The following C2orf66 variants were observed in gnomAD, a reference collection of about 807,000 sequenced individuals.
C2orf66 encodes uncharacterized protein C2orf66.
Under a neutral mutation model 7.0 loss-of-function variants are expected in C2orf66, and 6 were observed. The ratio of observed to expected loss-of-function variants is 0.86; its 90% confidence interval spans 0.47 to 1.69. C2orf66 has a LOEUF of 1.69. C2orf66 is among the 40% of genes most tolerant of loss of function. The probability of loss-of-function intolerance (pLI) is 0.01; values close to 1 mark genes in which losing one functional copy is unlikely to be tolerated. For missense variants in C2orf66, 107 were observed against 112.0 expected (o/e 0.96, Z 0.20); for synonymous variants, 38 against 43.8 (o/e 0.87, Z 0.52).
chr2:196,810,583 T>C (rs1019705411), upstream of C2orf66, among the ~76,000 whole-genome samples: 1 of 152,190 alleles, frequency 6.6e-6, no homozygotes, highest in Non-Finnish European at 1.5e-5. Context: ...GGCCGAGAAA[T>C]TGGACTTGAG....
chr2:196,829,819 C>T, the C2orf66 span, among the ~76,000 whole-genome samples: 3 of 152,098 alleles, frequency 2.0e-5, 1 homozygote, highest in Middle Eastern at 3.4e-3. Context: ...ATGGTTTGAA[C>T]CCGGGAAGCG....
At chr2:196,831,936 T>C in the C2orf66 span, 2 of 152,222 alleles carry the variant, frequency 1.3e-5, no homozygotes, top group African/African-American at 4.8e-5. Flanking sequence ...CGTGGCCTTT[T>C]GGTGCATGAG....
At chr2:196,832,058 A>C in the C2orf66 span, 1 of 152,166 alleles carries the variant, frequency 6.6e-6, no homozygotes, top group Non-Finnish European at 1.5e-5. Flanking sequence ...AAGTTAGCAT[A>C]AGAAATGTGA....
the C2orf66 span, among the ~76,000 whole-genome samples, chr2:196,828,209 A>ATCTC: frequency 1.3e-4 from 18 of 140,736 alleles, no homozygotes; most frequent in South Asian, 2.3e-4. Context: ...ACGAATCAAA[A>ATCTC]TCTCTCTCTC....
chr2:196,824,426 G>A, the C2orf66 span, among the ~76,000 whole-genome samples: 1 of 152,146 alleles, frequency 6.6e-6, no homozygotes, highest in Non-Finnish European at 1.5e-5. Context: ...TTTATGAAAA[G>A]AACTGCTTAC....
chr2:196,818,514 CA>C, the C2orf66 span, among the ~76,000 whole-genome samples: 1 of 152,184 alleles, frequency 6.6e-6, no homozygotes, highest in African/African-American at 2.4e-5. Context: ...AAGAGAGAGC[CA>C]GCCAATGCAT....
At chr2:196,826,072 T>C in the C2orf66 span, among the ~76,000 whole-genome samples, 4 of 152,174 alleles carry the variant, frequency 2.6e-5, no homozygotes, top group African/African-American at 9.7e-5. Context: ...ATACCAGTAA[T>C]GGAAGCACAA....
chr2:196,809,702 T>C (rs1282300555), upstream of C2orf66: 1 of 193,004 alleles, frequency 5.2e-6, no homozygotes, highest in Non-Finnish European at 1.1e-5. Context: ...AAACAAAACC[T>C]TAAATTACTT....
the C2orf66 span, among the ~76,000 whole-genome samples, chr2:196,831,047 G>A: frequency 6.6e-6 from 1 of 152,126 alleles, no homozygotes; most frequent in East Asian, 1.9e-4. Flanking sequence ...AGGTCTTTGG[G>A]CCAGATAAAA....
chr2:196,807,874 C>T (rs1039788679), intron 1 of C2orf66, among the ~76,000 whole-genome samples: 2 of 152,170 alleles, frequency 1.3e-5, no homozygotes, highest in Non-Finnish European at 2.9e-5. Context: ...GACTATGGAG[C>T]GGCACCACAG....
At position 196,805,171 on chromosome 2, in the gene C2orf66, C is replaced by G. The variant is rs1699806645; in HGVS notation, c.*257G>C. On this transcript the variant is annotated 3_prime_UTR_variant, in exon 3 of 3. Transcript: ENST00000342506. ...GTTTGTGATGTTTTTGTAACTCCTA[C>G]AAATACATGCGGTGCTCTACATCAA... 1 of 152,068 alleles carries G rather than the reference C, an allele frequency of 6.6e-6. No homozygotes were observed. Among genetic ancestry groups the G allele is most frequent in the African/African-American group, 2.4e-5 (1 of 41,392 alleles). 9.4% of individuals were successfully genotyped at this position (152,068 alleles called of 1,614,324 possible). A position where few individuals can be genotyped will look rare whatever the true frequency, so the allele number is the denominator to read the frequency against.
chr2:196,816,682 C>A, the C2orf66 span, among the ~76,000 whole-genome samples: 1 of 152,018 alleles, frequency 6.6e-6, no homozygotes, highest in Non-Finnish European at 1.5e-5. Context: ...CATGTGTACC[C>A]CCCGAATCTA....
At chr2:196,809,388 TGA>T, upstream of C2orf66, 1 of 1,608,422 alleles carries the variant, frequency 6.2e-7, no homozygotes, top group South Asian at 1.1e-5. Context: ...CAATGATCAT[TGA>T]GAGAGATAGT....
chr2:196,809,195 GC>G lies in C2orf66; in HGVS notation c.123+18del. Reference sequence around the variant, plus strand: ...GCATTAGTTCTATCCTGAAACCCAGGCCCCAAGTGTGTTCTTACCAGATCTC... The same window carrying G: ...GCATTAGTTCTATCCTGAAACCCAGGCCCAAGTGTGTTCTTACCAGATCTC... On this transcript the variant is annotated intron_variant, in intron 1 of 2. Coordinates refer to ENST00000342506, the MANE Select transcript of C2orf66 (RefSeq NM_213608.3). 6.2e-7 allele frequency: 1 copy of G among 1,610,042 alleles called. No individual in the cohort carries two copies. The highest frequency in any genetic ancestry group is 8.5e-7 in the Non-Finnish European group (1 of 1,177,360).
At chr2:196,816,585 G>T in the C2orf66 span, among the ~76,000 whole-genome samples, 9 of 152,282 alleles carry the variant, frequency 5.9e-5, no homozygotes, top group South Asian at 1.9e-3. Context: ...AAAACTAACT[G>T]CCGGGTACTG....
At chr2:196,808,494 G>T (rs1380191587) in intron 1 of C2orf66, among the ~76,000 whole-genome samples, 1 of 152,112 alleles carries the variant, frequency 6.6e-6, no homozygotes, top group African/African-American at 2.4e-5. Flanking sequence ...CCATCTGCTG[G>T]TTTCACCCAG....
the C2orf66 span, among the ~76,000 whole-genome samples, chr2:196,831,659 T>C: frequency 1.3e-5 from 2 of 152,126 alleles, no homozygotes; most frequent in Admixed American, 6.5e-5. Context: ...CTTTTAATAA[T>C]GGTCTTGCAA....
At chr2:196,810,057 T>C (rs1299892039), upstream of C2orf66, 1 of 152,204 alleles carries the variant, frequency 6.6e-6, no homozygotes, top group Admixed American at 6.5e-5. Context: ...TCCTTTTTCA[T>C]CCAGAACACA....
chr2:196,809,368 C>G (rs372008499), upstream of C2orf66: 7 of 1,610,140 alleles, frequency 4.3e-6, no homozygotes, highest in Admixed American at 1.2e-4. Flanking sequence ...AGAGGGGATG[C>G]GGGAGCTGTC....
Sources: allele counts gnomAD v4.1 joint callset (sites outside exome capture counted in the v4.1 genomes callset), GRCh38; gene constraint gnomAD v4.1.1; transcripts MANE v1.5; gene names NCBI Gene and HGNC (gene_info 2026-07-23, HGNC 2026-07-21).